Variants in ZNF407 observed in about 807,000 individuals in gnomAD.
ZNF407 encodes the protein zinc finger protein 407.
ZNF407 carries 17 observed loss-of-function variants against 131.2 expected under a neutral mutation model. That is an observed-to-expected ratio of 0.13 (90% CI 0.09 to 0.19). ZNF407 has a LOEUF of 0.19. ZNF407 is among the 10% of genes least tolerant of loss of function. The pLI is 1.00. For missense variants in ZNF407, 2,681 were observed against 2,830.6 expected (o/e 0.95, Z 1.20); for synonymous variants, 1,156 against 1,062.0 (o/e 1.09, Z -1.72).
intron 5 of ZNF407, among the ~76,000 whole-genome samples, chr18:74,877,572 T>A (rs1200939673): frequency 1.3e-5 from 2 of 152,254 alleles, no homozygotes; most frequent in Non-Finnish European, 2.9e-5. Flanking sequence ...TTTGTGCTTG[T>A]GTGTGAATGT....
intron 4 of ZNF407, among the ~76,000 whole-genome samples, chr18:74,801,873 T>A (rs1970025995): frequency 6.6e-6 from 1 of 152,180 alleles, no homozygotes; most frequent in East Asian, 1.9e-4. Context: ...ATTCCAGAAA[T>A]CGTCCAAGTA....
chr18:74,628,768 T>C (rs549550594), intron 1 of ZNF407, among the ~76,000 whole-genome samples: 2 of 152,030 alleles, frequency 1.3e-5, no homozygotes, highest in African/African-American at 4.8e-5. Flanking sequence ...TTTTTAGAGC[T>C]GGGGTCTTGC....
chr18:74,900,069 A>G (rs528382512), intron 7 of ZNF407, among the ~76,000 whole-genome samples: 3 of 152,336 alleles, frequency 2.0e-5, no homozygotes, highest in Admixed American at 2.0e-4. Context: ...TTTAATGTTT[A>G]TGTGCCAAAT....
At chr18:74,779,088 C>CATATATATATATATAT (rs1555687129) in intron 3 of ZNF407, among the ~76,000 whole-genome samples, 12 of 19,220 alleles carry the variant, frequency 6.2e-4, no homozygotes, top group Non-Finnish European at 1.4e-3. Flanking sequence ...TCATGCTTGG[C>CATATATATATATATAT]ATATATATAT....
At position 75,064,709 on chromosome 18, in the gene ZNF407, C is replaced by A; in HGVS notation, c.*241C>A. 2.3e-6 allele frequency: 1 copy of A among 433,528 alleles called. No individual in the cohort carries two copies. Among genetic ancestry groups the A allele is most frequent in the Non-Finnish European group, 4.1e-6 (1 of 245,808 alleles). 26.9% of individuals were successfully genotyped at this position (433,528 alleles called of 1,614,324 possible). ...GTGCAGGGGAGGGCCGGGCGCAGGC[C>A]GCACAGGGAGCTCCGGTCCACTGGG... On this transcript the variant is annotated 3_prime_UTR_variant, in exon 9 of 9. Coordinates refer to ENST00000299687, the MANE Select transcript of ZNF407 (RefSeq NM_017757.3).
chr18:74,760,540 A>G lies in ZNF407; in HGVS notation c.4803-20888A>G, dbSNP rs137947283. 4.7e-3 allele frequency among the ~76,000 whole-genome samples: 721 copies of G among 152,244 alleles called. 8 individuals are homozygous for G. The highest frequency in any genetic ancestry group is 0.017 in the African/African-American group (693 of 41,538). On this transcript the variant is annotated intron_variant, in intron 3 of 8. Transcript: ENST00000299687. ...TTTATGCTCAGACAGCTATGGTGGT[A>G]AACAGTTGCTTCTGTGGTTTTTTGT...
At chr18:74,804,332 GTTTAT>G in intron 4 of ZNF407, 1 of 1,092,070 alleles carries the variant, frequency 9.2e-7, no homozygotes, top group Non-Finnish European at 1.1e-6. Context: ...ATGATTCAGG[GTTTAT>G]TTAAAGCTGA....
intron 2 of ZNF407, among the ~76,000 whole-genome samples, chr18:74,640,740 G>A (rs539547600): frequency 8.5e-5 from 13 of 152,178 alleles, no homozygotes; most frequent in Non-Finnish European, 1.6e-4. Context: ...TCATCTCATC[G>A]ACTTAGTACT....
intron 3 of ZNF407, among the ~76,000 whole-genome samples, chr18:74,648,717 A>G (rs1309803599): frequency 6.6e-6 from 1 of 152,260 alleles, no homozygotes; most frequent in Non-Finnish European, 1.5e-5. Flanking sequence ...AATAATAATT[A>G]AGAGGACATA....
At position 74,607,074 on chromosome 18, in the gene ZNF407, G is replaced by A. The variant is rs373189836; in HGVS notation, c.-54+9137G>A. Among the ~76,000 whole-genome samples the A allele has an allele frequency of 3.9e-5, 6 of 152,172 alleles. No individual in the cohort carries two copies. The East Asian group carries it at 7.7e-4, about 20-fold the overall frequency. ...GTGCCCTACAGGAGGCAGGTGTTTC[G>A]TCAGTCTCAGAGATTAGTTGTAGAA... On this transcript the variant is annotated intron_variant, in intron 1 of 8. Transcript: ENST00000299687.
intron 3 of ZNF407, among the ~76,000 whole-genome samples, chr18:74,699,564 G>A (rs1355795115): frequency 6.6e-6 from 1 of 152,100 alleles, no homozygotes; most frequent in African/African-American, 2.4e-5. Flanking sequence ...TGTTGGCAGA[G>A]GAGTGGAGAA....
At chr18:74,896,048 A>G (rs1329184089) in intron 7 of ZNF407, among the ~76,000 whole-genome samples, 2 of 152,182 alleles carry the variant, frequency 1.3e-5, no homozygotes, top group Admixed American at 6.5e-5. Flanking sequence ...AAGTGAAATT[A>G]TATATACCAA....
At chr18:74,790,514 C>A (rs141552735) in intron 4 of ZNF407, among the ~76,000 whole-genome samples, 8 of 152,296 alleles carry the variant, frequency 5.3e-5, no homozygotes, top group Admixed American at 2.6e-4. Flanking sequence ...TGTTTTTCTT[C>A]AGCTGGCATC....
In ZNF407 at chr18:74,963,072, TC is replaced by T. The variant is rs375530256; in HGVS notation, c.5428+42384del. Among the ~76,000 whole-genome samples the T allele has an allele frequency of 8.0e-4, 122 of 152,008 alleles. 1 individual carries two copies. Among genetic ancestry groups the T allele is most frequent in the African/African-American group, 2.9e-3 (119 of 41,484 alleles). On this transcript the variant is annotated intron_variant, in intron 8 of 8. Coordinates refer to ENST00000299687, the MANE Select transcript of ZNF407 (RefSeq NM_017757.3). ...TAGAATCATTGGAGCTCCACAGTTCTCCCCGGTTTCTTTGTAAAATCCAATC... is the reference window on the plus strand; with the variant it reads ...TAGAATCATTGGAGCTCCACAGTTCTCCCGGTTTCTTTGTAAAATCCAATC...
At chr18:74,979,077 T>G (rs965544928) in intron 8 of ZNF407, among the ~76,000 whole-genome samples, 4 of 152,110 alleles carry the variant, frequency 2.6e-5, no homozygotes, top group African/African-American at 9.7e-5. Context: ...CCTTCTCCAG[T>G]GCTCTGTCAG....
In ZNF407 at chr18:74,633,212, C is replaced by T; in HGVS notation, c.2193C>T (p.Asp731=). 6.2e-7 allele frequency: 1 copy of T among 1,613,840 alleles called. No individual in the cohort carries two copies. ...ATATAAAGCTTCGGCATGGTCAAGACTATCATTTTCTTTGTAAAGCTTGTA... is the reference window on the plus strand; with the variant it reads ...ATATAAAGCTTCGGCATGGTCAAGATTATCATTTTCTTTGTAAAGCTTGTA... ...TRHIKLRHGQ[D]YHFLCKACNL... The change falls in exon 2 of 9, where the codon GAC becomes GAT. Residue 731 remains aspartate, a synonymous_variant. Transcript: ENST00000299687.
At chr18:74,736,059 T>C (rs1180912698) in intron 3 of ZNF407, among the ~76,000 whole-genome samples, 1 of 152,240 alleles carries the variant, frequency 6.6e-6, no homozygotes, top group Non-Finnish European at 1.5e-5. Context: ...ATAGGCTTCA[T>C]TAGAATATGC....
chr18:74,941,751 A>G (rs1262520410), intron 8 of ZNF407, among the ~76,000 whole-genome samples: 1 of 152,214 alleles, frequency 6.6e-6, no homozygotes, highest in Non-Finnish European at 1.5e-5. Context: ...TTCGTAGGCT[A>G]GGATACTTAG....
intron 3 of ZNF407, among the ~76,000 whole-genome samples, chr18:74,715,535 G>C (rs1351416510): frequency 6.6e-6 from 1 of 152,154 alleles, no homozygotes; most frequent in African/African-American, 2.4e-5. Flanking sequence ...TGGATGCTTG[G>C]GGAGCTGGCA....
Sources: gnomAD v4.1 joint callset for allele counts (sites outside exome capture counted in the v4.1 genomes callset) on GRCh38, gnomAD v4.1.1 for gene constraint, MANE v1.5 for transcripts, NCBI Gene and HGNC (gene_info 2026-07-23, HGNC 2026-07-21) for gene names.